ALK: variants seen among roughly 807,000 people sequenced by gnomAD.
ALK encodes ALK tyrosine kinase receptor.
A neutral mutation model predicts 163.1 loss-of-function variants in ALK; 74 were observed. That is an observed-to-expected ratio of 0.45 (90% CI 0.38 to 0.55). The LOEUF is 0.55. Among genes scored for constraint, ALK ranks in the 20% least tolerant of loss-of-function variants. The probability of loss-of-function intolerance (pLI) is 0.00; values close to 1 mark genes in which losing one functional copy is unlikely to be tolerated. For synonymous variants in ALK, 960 were observed against 843.2 expected (o/e 1.14, Z -2.40); for missense variants, 2,063 against 2,105.3 (o/e 0.98, Z 0.39).
At position 29,592,356 on chromosome 2, in the gene ALK, G is replaced by T. The variant is rs180820531; in HGVS notation, c.953-60240C>A. On this transcript the variant is annotated intron_variant, in intron 3 of 28. Coordinates refer to ENST00000389048, the MANE Select transcript of ALK (RefSeq NM_004304.5). The stretch of plus-strand genomic sequence containing the variant: ...GGGGTCCAGCTCTCTGCTTCTCTCA[G>T]ATCAGGCCTGAGCTGACCACACCAG... Among the ~76,000 whole-genome samples the T allele has an allele frequency of 2.1e-3, 315 of 152,286 alleles. 6 individuals are homozygous for T. Among genetic ancestry groups the T allele is most frequent in the African/African-American group, 7.3e-3 (303 of 41,562 alleles).
intron 4 of ALK, among the ~76,000 whole-genome samples, chr2:29,430,880 G>A (rs1256586728): frequency 6.6e-6 from 1 of 152,200 alleles, no homozygotes; most frequent in Non-Finnish European, 1.5e-5. Flanking sequence ...AACTTCAGAA[G>A]GCAAACAGCC....
intron 4 of ALK, among the ~76,000 whole-genome samples, chr2:29,489,448 C>T (rs1405979279): frequency 6.6e-6 from 1 of 152,104 alleles, no homozygotes; most frequent in Non-Finnish European, 1.5e-5. Context: ...TACAGGTGCA[C>T]ACCACCTTGC....
At chr2:29,198,814 C>T (rs1358278632) in intron 26 of ALK, among the ~76,000 whole-genome samples, 1 of 152,162 alleles carries the variant, frequency 6.6e-6, no homozygotes, top group African/African-American at 2.4e-5. Context: ...ATTCATTTCA[C>T]TTTTTTTTCC....
rs541381168 is a variant in ALK at position 29,577,403 on chromosome 2, C to T, written c.953-45287G>A. ...ACTTCCTCCCCTCCCTCAGGTGTGA[C>T]AAAAGGCAAAAAGAAATTTAACGAG... On this transcript the variant is annotated intron_variant, in intron 3 of 28. Coordinates refer to ENST00000389048, the MANE Select transcript of ALK (RefSeq NM_004304.5). Among the ~76,000 whole-genome samples, 7 of 152,238 alleles carry T rather than the reference C, an allele frequency of 4.6e-5. No individual in the cohort carries two copies. In the South Asian group the frequency reaches 1.4e-3, roughly 32 times the overall value.
intron 5 of ALK, among the ~76,000 whole-genome samples, chr2:29,363,073 C>A (rs527629071): frequency 1.1e-4 from 17 of 152,314 alleles, no homozygotes; most frequent in African/African-American, 4.1e-4. Flanking sequence ...CATTTTCCTT[C>A]CCTTCCCTTT....
chr2:29,314,823 G>GGT (rs1289031284), intron 8 of ALK, among the ~76,000 whole-genome samples: 1 of 152,088 alleles, frequency 6.6e-6, no homozygotes, highest in African/African-American at 2.4e-5. Flanking sequence ...AGGCTGCTGG[G>GGT]GTGTGTGAAA....
intron 3 of ALK, among the ~76,000 whole-genome samples, chr2:29,640,454 C>A (rs1485498550): frequency 6.6e-6 from 1 of 152,126 alleles, no homozygotes; most frequent in Non-Finnish European, 1.5e-5. Context: ...CTGCTCTGGC[C>A]AAGTGATGTG....
At chr2:29,579,312 G>T (rs6713380) in intron 3 of ALK, among the ~76,000 whole-genome samples, 2 of 151,922 alleles carry the variant, frequency 1.3e-5, no homozygotes. Context: ...CTTTAAAGAT[G>T]AACTTATTCC....
intron 3 of ALK, among the ~76,000 whole-genome samples, chr2:29,571,862 C>T (rs1674385609): frequency 6.6e-6 from 1 of 152,106 alleles, no homozygotes; most frequent in Non-Finnish European, 1.5e-5. Context: ...GATCCACCTG[C>T]CTCGGCCTCC....
At chr2:29,657,064 G>A (rs1260287071) in intron 3 of ALK, among the ~76,000 whole-genome samples, 2 of 152,152 alleles carry the variant, frequency 1.3e-5, no homozygotes, top group African/African-American at 2.4e-5. Flanking sequence ...GAAGTTGCAA[G>A]GAGGATGAAC....
At chr2:29,313,621 G>C (rs1327070672) in intron 8 of ALK, among the ~76,000 whole-genome samples, 1 of 152,158 alleles carries the variant, frequency 6.6e-6, no homozygotes, top group Non-Finnish European at 1.5e-5. Flanking sequence ...AGTGTGACAG[G>C]AAGAGCATGA....
intron 3 of ALK, among the ~76,000 whole-genome samples, chr2:29,628,041 T>G (rs1021323808): frequency 6.6e-6 from 1 of 152,214 alleles, no homozygotes; most frequent in Non-Finnish European, 1.5e-5. Flanking sequence ...AGTCTTCAGA[T>G]GAAGAATTGG....
intron 12 of ALK, among the ~76,000 whole-genome samples, chr2:29,242,237 A>G (rs1273339187): frequency 1.3e-5 from 2 of 152,120 alleles, no homozygotes; most frequent in Non-Finnish European, 2.9e-5. Flanking sequence ...AGTCCTGGTC[A>G]GGCTGCATAA....
chr2:29,616,066 G>A (rs1675835621), intron 3 of ALK, among the ~76,000 whole-genome samples: 1 of 152,222 alleles, frequency 6.6e-6, no homozygotes, highest in African/African-American at 2.4e-5. Flanking sequence ...CCCAGACCCT[G>A]CTCTGGTGAG....
At chr2:29,519,735 G>A (rs1277805416) in intron 4 of ALK, among the ~76,000 whole-genome samples, 1 of 152,206 alleles carries the variant, frequency 6.6e-6, no homozygotes, top group Non-Finnish European at 1.5e-5. Flanking sequence ...CCCAGGGCAG[G>A]TGACCAGGCC....
chr2:29,389,711 CG>C (rs765096702), intron 4 of ALK, among the ~76,000 whole-genome samples: 4 of 152,190 alleles, frequency 2.6e-5, no homozygotes, highest in Non-Finnish European at 5.9e-5. Context: ...TTAATCCAAA[CG>C]TTCGTGTCAA....
chr2:29,450,742 G>A (rs982025920), intron 4 of ALK, among the ~76,000 whole-genome samples: 3 of 152,108 alleles, frequency 2.0e-5, no homozygotes, highest in Non-Finnish European at 4.4e-5. Context: ...GCAGGACTAT[G>A]GCCTATAAAT....
At chr2:29,455,592 T>C (rs1033337045) in intron 4 of ALK, among the ~76,000 whole-genome samples, 1 of 152,196 alleles carries the variant, frequency 6.6e-6, no homozygotes. Flanking sequence ...AAGGACTGTT[T>C]TGTTAGCTCC....
At chr2:29,623,424 A>T (rs1241131530) in intron 3 of ALK, among the ~76,000 whole-genome samples, 17 of 152,234 alleles carry the variant, frequency 1.1e-4, no homozygotes. Context: ...TAAAACATTA[A>T]ATGAAAATGA....
Sources: gnomAD v4.1 joint callset for allele counts (sites outside exome capture counted in the v4.1 genomes callset) on GRCh38, gnomAD v4.1.1 for gene constraint, MANE v1.5 for transcripts, NCBI Gene and HGNC (gene_info 2026-07-23, HGNC 2026-07-21) for gene names.